FHIT: variants seen among roughly 807,000 people sequenced by gnomAD.
FHIT encodes bis(5'-adenosyl)-triphosphatase.
Under a neutral mutation model 17.9 loss-of-function variants are expected in FHIT, and 19 were observed. The ratio of observed to expected loss-of-function variants is 1.06; its 90% confidence interval spans 0.74 to 1.56. The LOEUF (loss-of-function observed/expected upper bound fraction) is 1.56. Ranked by LOEUF, FHIT falls within the 40% of genes most tolerant of loss-of-function variation. The pLI is 0.00. For missense variants in FHIT, 248 were observed against 189.2 expected, an observed-to-expected ratio of 1.31 and a Z score of -1.82; for synonymous variants, 81 against 69.7, an observed-to-expected ratio of 1.16 and a Z score of -0.81.
chr3:59,821,488 C>T (rs1417877430), intron 8 of FHIT, among the ~76,000 whole-genome samples: 1 of 152,118 alleles, frequency 6.6e-6, no homozygotes, highest in Non-Finnish European at 1.5e-5. Flanking sequence ...CAAACCCACC[C>T]CCTGGGAAAT....
chr3:60,951,675 G>A (rs1291913182), intron 3 of FHIT, among the ~76,000 whole-genome samples: 4 of 152,172 alleles, frequency 2.6e-5, no homozygotes, highest in African/African-American at 4.8e-5. Context: ...CGGAGCAAAC[G>A]GGAAATGGGT....
intron 5 of FHIT, among the ~76,000 whole-genome samples, chr3:60,087,884 A>T (rs943962092): frequency 6.6e-6 from 1 of 152,060 alleles, no homozygotes; most frequent in African/African-American, 2.4e-5. Flanking sequence ...CATTACCCCC[A>T]ACCACTGGGT....
chr3:61,229,117 C>A lies in FHIT; in HGVS notation c.-213+22184G>T, dbSNP rs557133252. On this transcript the variant is annotated intron_variant, in intron 1 of 9. Coordinates refer to ENST00000492590, the MANE Select transcript of FHIT (RefSeq NM_002012.4). ...ATATGTCTGTGTCAAATCCCTGGAG[C>A]CTGCAAATATTACTTTATTAGAAAA... 1.4e-3 allele frequency among the ~76,000 whole-genome samples: 207 copies of A among 152,168 alleles called. 1 individual carries two copies. The highest frequency in any genetic ancestry group is 4.9e-3 in the African/African-American group (202 of 41,500).
intron 5 of FHIT, among the ~76,000 whole-genome samples, chr3:60,526,374 C>G (rs1036431529): frequency 6.6e-6 from 1 of 152,114 alleles, no homozygotes; most frequent in Non-Finnish European, 1.5e-5. Flanking sequence ...ACCCAATCCC[C>G]TCTCTGGAGA....
chr3:61,124,386 T>C (rs1043716281), intron 2 of FHIT, among the ~76,000 whole-genome samples: 25 of 152,140 alleles, frequency 1.6e-4, no homozygotes, highest in Admixed American at 2.0e-4. Context: ...GGGCAGTTAA[T>C]GCACATATCT....
At chr3:61,122,183 C>G (rs953841875) in intron 2 of FHIT, among the ~76,000 whole-genome samples, 1 of 152,006 alleles carries the variant, frequency 6.6e-6, no homozygotes, top group Non-Finnish European at 1.5e-5. Context: ...CAGAACAGAG[C>G]CCTCAGAAAT....
intron 4 of FHIT, among the ~76,000 whole-genome samples, chr3:60,623,835 G>A (rs2039203778): frequency 6.6e-6 from 1 of 152,166 alleles, no homozygotes; most frequent in African/African-American, 2.4e-5. Context: ...AAACTTGCCT[G>A]AAGAAGCCAG....
intron 5 of FHIT, among the ~76,000 whole-genome samples, chr3:60,157,884 G>A (rs1434595488): frequency 1.3e-5 from 2 of 151,708 alleles, no homozygotes; most frequent in Non-Finnish European, 2.9e-5. Context: ...TTGCTTTAGT[G>A]ACCTTGTGAA....
At chr3:60,875,796 A>G (rs1704623730) in intron 3 of FHIT, among the ~76,000 whole-genome samples, 1 of 152,118 alleles carries the variant, frequency 6.6e-6, no homozygotes, top group Admixed American at 6.6e-5. Flanking sequence ...GACTTAGAGA[A>G]GTTAAGCAAA....
chr3:61,004,334 T>A (rs2031300502), intron 3 of FHIT, among the ~76,000 whole-genome samples: 1 of 152,158 alleles, frequency 6.6e-6, no homozygotes, highest in African/African-American at 2.4e-5. Context: ...ATATGCAGTT[T>A]CAAAAAAGTT....
chr3:60,667,563 T>G (rs1403897776), intron 4 of FHIT, among the ~76,000 whole-genome samples: 3 of 152,348 alleles, frequency 2.0e-5, no homozygotes, highest in Admixed American at 1.3e-4. Flanking sequence ...TGACAGATGC[T>G]TTAAAATTAT....
intron 8 of FHIT, among the ~76,000 whole-genome samples, chr3:59,808,891 G>C (rs570986355): frequency 6.6e-6 from 1 of 151,972 alleles, no homozygotes; most frequent in Non-Finnish European, 1.5e-5. Flanking sequence ...AAAACTCTCC[G>C]ACAGAAGCCT....
At chr3:60,998,472 C>A (rs772535182) in intron 3 of FHIT, among the ~76,000 whole-genome samples, 2 of 152,174 alleles carry the variant, frequency 1.3e-5, no homozygotes, top group Admixed American at 6.5e-5. Flanking sequence ...CAGCAAGTAA[C>A]TTCTATGAGA....
At chr3:59,887,684 A>G (rs138150485) in intron 8 of FHIT, among the ~76,000 whole-genome samples, 1 of 152,352 alleles carries the variant, frequency 6.6e-6, no homozygotes, top group East Asian at 1.9e-4. Flanking sequence ...ATCAGCTGAG[A>G]GAAGCAGTTG....
chr3:60,046,751 G>A (rs1422771261), intron 5 of FHIT, among the ~76,000 whole-genome samples: 2 of 152,166 alleles, frequency 1.3e-5, no homozygotes, highest in Non-Finnish European at 2.9e-5. Context: ...GGGCTTGGTA[G>A]CATTTTTTTA....
At chr3:59,769,240 G>A (rs1406493471) in intron 8 of FHIT, among the ~76,000 whole-genome samples, 1 of 152,212 alleles carries the variant, frequency 6.6e-6, no homozygotes, top group Non-Finnish European at 1.5e-5. Context: ...AAACTTGAGA[G>A]GAAACAGAAA....
At chr3:60,611,663 C>T (rs1475867764) in intron 4 of FHIT, among the ~76,000 whole-genome samples, 3 of 152,098 alleles carry the variant, frequency 2.0e-5, no homozygotes, top group South Asian at 2.1e-4. Context: ...TTCTAACGCT[C>T]GGCTCTATAC....
chr3:61,221,386 G>A lies in FHIT; in HGVS notation c.-212-20721C>T, dbSNP rs1560090497. Among the ~76,000 whole-genome samples, 3 of 152,334 alleles carry A rather than the reference G, an allele frequency of 2.0e-5. No homozygotes were observed. The East Asian group carries it at 5.8e-4, about 29-fold the overall frequency. ...AAGAGGTTCATCTTGGGGAGAAACT[G>A]ATGTTTTGCAGATGCAATATTAAAA... On this transcript the variant is annotated intron_variant, in intron 1 of 9. Coordinates refer to ENST00000492590, the MANE Select transcript of FHIT (RefSeq NM_002012.4).
At chr3:61,150,530 C>T (rs1169691521) in intron 2 of FHIT, among the ~76,000 whole-genome samples, 1 of 151,998 alleles carries the variant, frequency 6.6e-6, no homozygotes, top group Non-Finnish European at 1.5e-5. Flanking sequence ...GTAGGACAGG[C>T]CCACATGATG....
Sources: gnomAD v4.1 joint callset for allele counts (sites outside exome capture counted in the v4.1 genomes callset) on GRCh38, gnomAD v4.1.1 for gene constraint, MANE v1.5 for transcripts, NCBI Gene and HGNC (gene_info 2026-07-23, HGNC 2026-07-21) for gene names.